Variants in NAA35 observed in about 807,000 individuals in gnomAD.
NAA35 encodes the protein N-alpha-acetyltransferase 35, NatC auxiliary subunit.
A neutral mutation model predicts 101.7 loss-of-function variants in NAA35; 18 were observed. That is an observed-to-expected ratio of 0.18 (90% CI 0.12 to 0.26). The LOEUF (loss-of-function observed/expected upper bound fraction) is 0.26. Ranked by LOEUF, NAA35 falls within the 10% of genes least tolerant of loss-of-function variation. The probability of loss-of-function intolerance (pLI) is 1.00; values close to 1 mark genes in which losing one functional copy is unlikely to be tolerated. For missense variants in NAA35, 601 were observed against 886.8 expected, an observed-to-expected ratio of 0.68 and a Z score of 4.09; for synonymous variants, 267 against 273.1, an observed-to-expected ratio of 0.98 and a Z score of 0.22.
intron 6 of NAA35, among the ~76,000 whole-genome samples, chr9:85,971,836 A>AT (rs372692955): frequency 0.3 from 42,818 of 143,560 alleles, 7,692 homozygotes; most frequent in African/African-American, 0.53. Flanking sequence ...ATATATCCTG[A>AT]TTTTTTTTTT....
intron 6 of NAA35, among the ~76,000 whole-genome samples, chr9:85,967,858 T>C (rs539812793): frequency 6.6e-6 from 1 of 152,098 alleles, no homozygotes; most frequent in East Asian, 1.9e-4. Context: ...ATTTCTGGAG[T>C]TCCTAGCTGC....
intron 12 of NAA35, among the ~76,000 whole-genome samples, chr9:85,999,865 T>C (rs1046815989): frequency 1.3e-5 from 2 of 152,254 alleles, no homozygotes; most frequent in African/African-American, 4.8e-5. Context: ...GTGAAGATGA[T>C]AAATAACTGC....
At chr9:85,949,299 CT>C (rs56828555) in intron 2 of NAA35, among the ~76,000 whole-genome samples, 129 of 139,886 alleles carry the variant, frequency 9.2e-4, no homozygotes, top group Non-Finnish European at 1.1e-3. Context: ...TTTTCTTTTT[CT>C]TTTTTTTTTT....
chr9:86,000,413 A>G (rs1831373802), intron 12 of NAA35, among the ~76,000 whole-genome samples: 1 of 151,914 alleles, frequency 6.6e-6, no homozygotes, highest in East Asian at 1.9e-4. Context: ...CTAGCCTCAT[A>G]GAAGGAGTTG....
At chr9:85,947,187 T>C (rs1289774627) in intron 2 of NAA35, among the ~76,000 whole-genome samples, 1 of 152,212 alleles carries the variant, frequency 6.6e-6, no homozygotes, top group Non-Finnish European at 1.5e-5. Context: ...GAAATTATGT[T>C]GATACTTGAT....
intron 10 of NAA35, 60 bp from the exon 11 acceptor site, chr9:85,978,207 T>G: frequency 9.9e-7 from 1 of 1,005,562 alleles, no homozygotes; most frequent in East Asian, 2.4e-5. Context: ...ATTTTCCTAT[T>G]TAATGTATAT....
intron 15 of NAA35, 33 bp downstream of exon 15, chr9:86,009,964 T>TA: frequency 6.4e-7 from 1 of 1,565,366 alleles, no homozygotes; most frequent in Non-Finnish European, 8.8e-7. Context: ...TCATAATGGG[T>TA]ACTTTAAAAA....
At position 86,013,051 on chromosome 9, in the gene NAA35, C is replaced by A; in HGVS notation, c.1296C>A (p.Phe432Leu). Residue 432 changes from phenylalanine (F) to leucine (L), a missense_variant, in exon 16 of 23, where the codon TTC (phenylalanine) becomes TTA (leucine). Phe to Leu is a conservative substitution (Grantham distance 22). Coordinates refer to ENST00000361671, the MANE Select transcript of NAA35 (RefSeq NM_024635.4). ...DSFVTHCVRP[F>L]CSLIQIHGHN... Reference sequence around the variant, plus strand: ...AAATTATATGTGTATTGCAGCCATTCTGTAGTCTTATTCAGATCCATGGAC... The same window carrying A: ...AAATTATATGTGTATTGCAGCCATTATGTAGTCTTATTCAGATCCATGGAC... 6.4e-7 allele frequency: 1 copy of A among 1,554,826 alleles called. No individual in the cohort carries two copies. Among genetic ancestry groups the A allele is most frequent in the Non-Finnish European group, 8.8e-7 (1 of 1,140,948 alleles).
chr9:85,952,024 A>G (rs770430601), intron 2 of NAA35, among the ~76,000 whole-genome samples: 5 of 152,160 alleles, frequency 3.3e-5, no homozygotes, highest in Non-Finnish European at 7.3e-5. Flanking sequence ...TGTTATCACT[A>G]CCAGTACAGA....
chr9:86,007,402 C>T lies in NAA35; in HGVS notation c.1161C>T (p.Leu387=). ...VDNKKVFGTH[L]MQDMVKDALR... is the part of the protein sequence containing the mutation. Reference sequence around the variant, plus strand: ...ACAAAAAGGTCTTTGGAACTCATCTCATGCAAGACATGGTGAAAGATGCAC... The same window carrying T: ...ACAAAAAGGTCTTTGGAACTCATCTTATGCAAGACATGGTGAAAGATGCAC... The change falls in exon 14 of 23, where the codon CTC becomes CTT. Residue 387 remains leucine (L), a synonymous_variant. Transcript: ENST00000361671. The T allele has an allele frequency of 6.2e-7, 1 of 1,613,884 alleles. No individual in the cohort carries two copies. Among genetic ancestry groups the T allele is most frequent in the Non-Finnish European group, 8.5e-7 (1 of 1,179,840 alleles).
intron 2 of NAA35, among the ~76,000 whole-genome samples, chr9:85,947,460 CAT>C: frequency 6.6e-6 from 1 of 152,270 alleles, no homozygotes; most frequent in South Asian, 2.1e-4. Context: ...ATCTAGGCAA[CAT>C]GTAAAATTGT....
intron 12 of NAA35, among the ~76,000 whole-genome samples, chr9:85,996,963 T>G (rs1831189632): frequency 6.6e-6 from 1 of 151,916 alleles, no homozygotes; most frequent in African/African-American, 2.4e-5. Flanking sequence ...TTAATTTTTT[T>G]TGTGGAGATG....
chr9:86,024,235 G>C lies in NAA35; in HGVS notation c.*2275G>C, dbSNP rs116295533. Among the ~76,000 whole-genome samples, 132 of 152,254 alleles carry C rather than the reference G, an allele frequency of 8.7e-4. No homozygotes were observed. The highest frequency in any genetic ancestry group is 3.1e-3 in the African/African-American group (129 of 41,552). ...AAACTTTAGGTGACAAATCCCCATC[G>C]CATCTATTCAGGAGGCACTGCTGGG... On this transcript the variant is annotated 3_prime_UTR_variant, in exon 23 of 23. Transcript: ENST00000361671.
Position 86,007,464 on chromosome 9 carries a change from A to G in NAA35, c.1223A>G (p.Lys408Arg), listed in dbSNP as rs774661421. The G allele has an allele frequency of 1.2e-5, 19 of 1,611,520 alleles. No individual in the cohort carries two copies. The South Asian group carries it at 2.0e-4, about 17-fold the overall frequency. Residue 408 changes from lysine to arginine, a missense_variant and splice_region_variant, in exon 14 of 23, where the codon AAG becomes AGG. This residue lies in a region of NAA35 where 190 missense variants were observed against 223.1 expected (regional missense o/e 0.85). Transcript: ENST00000361671. Reference protein sequence around the residue: ...SFVSPPVLSPKCYLYNNHQAK... With the variant: ...SFVSPPVLSPRCYLYNNHQAK... ...GTCAGTCCTCCGGTGCTTTCCCCCAAGTAAGTATTGTAAGACATTTTAGAG... is the reference window on the plus strand; with the variant it reads ...GTCAGTCCTCCGGTGCTTTCCCCCAGGTAAGTATTGTAAGACATTTTAGAG...
At chr9:85,947,058 CTG>C (rs1383678308) in intron 2 of NAA35, among the ~76,000 whole-genome samples, 2 of 152,108 alleles carry the variant, frequency 1.3e-5, no homozygotes, top group Admixed American at 6.5e-5. Context: ...TTTCTTCAAA[CTG>C]GAGAATATTT....
At chr9:86,014,877 T>C (rs903621948) in intron 17 of NAA35, among the ~76,000 whole-genome samples, 1 of 152,242 alleles carries the variant, frequency 6.6e-6, no homozygotes, top group African/African-American at 2.4e-5. Context: ...CAGGTATTTA[T>C]ATAGCTACTT....
chr9:85,951,560 A>G (rs891451159), intron 2 of NAA35, among the ~76,000 whole-genome samples: 5 of 152,242 alleles, frequency 3.3e-5, no homozygotes, highest in African/African-American at 1.2e-4. Flanking sequence ...TGAACTTTGA[A>G]TGGCTCTTTA....
At chr9:85,948,340 A>G (rs1192703866) in intron 2 of NAA35, among the ~76,000 whole-genome samples, 1 of 152,202 alleles carries the variant, frequency 6.6e-6, no homozygotes, top group Non-Finnish European at 1.5e-5. Context: ...TCTAGAATTC[A>G]TTAATTCTAC....
intron 13 of NAA35, 123 bp downstream of exon 13, chr9:86,003,767 T>A: frequency 2.0e-6 from 1 of 506,746 alleles, no homozygotes; most frequent in Non-Finnish European, 3.3e-6. Context: ...GTTGTGTATT[T>A]TTTTTTTAAT....
Sources: allele counts gnomAD v4.1 joint callset (sites outside exome capture counted in the v4.1 genomes callset), GRCh38; gene constraint gnomAD v4.1.1; regional missense constraint gnomAD v4.1.1; transcripts MANE v1.5; gene names NCBI Gene and HGNC (gene_info 2026-07-23, HGNC 2026-07-21).